The following H2AC1 variants were observed in gnomAD, a reference collection of about 807,000 sequenced individuals.
H2AC1 encodes the protein histone H2A type 1-A.
For missense variants in H2AC1, 218 were observed against 173.8 expected, an observed-to-expected ratio of 1.25 and a Z score of -1.43; for synonymous variants, 145 against 70.0, an observed-to-expected ratio of 2.07 and a Z score of -5.35.
Position 25,726,093 on chromosome 6 carries a change from T to C in H2AC1, c.*39A>G. 6.7e-7 allele frequency: 1 copy of C among 1,482,432 alleles called. No individual in the cohort carries two copies. Among genetic ancestry groups the C allele is most frequent in the Non-Finnish European group, 9.0e-7 (1 of 1,114,586 alleles). The allele number at this position is 1,482,432 out of a possible 1,614,324, so 91.8% of individuals were successfully genotyped here. A position where few individuals can be genotyped will look rare whatever the true frequency, so the allele number is the denominator to read the frequency against. On this transcript the variant is annotated 3_prime_UTR_variant, in exon 1 of 1. Transcript: ENST00000297012. ...GGCTCTGAAAAGAGCCTTTTGTTTT[T>C]TCTGACACAGAAGTCTTTTTACCAA...
At position 25,726,484 on chromosome 6, in the gene H2AC1, G is replaced by A. The variant is rs753901524; in HGVS notation, c.44C>T (p.Ser15Phe). 2 of 1,613,152 alleles carry A rather than the reference G, an allele frequency of 1.2e-6. No individual in the cohort carries two copies. Among genetic ancestry groups the A allele is most frequent in the Non-Finnish European group, 1.7e-6 (2 of 1,179,516 alleles). The change falls in exon 1 of 1, where the codon TCT (serine) becomes TTT (phenylalanine). Residue 15 changes from serine to phenylalanine, a missense_variant. Transcript: ENST00000297012. Reference protein sequence around the residue: ...GKQGGKARAKSKSRSSRAGLQ... With the variant: ...GKQGGKARAKFKSRSSRAGLQ... Reference sequence around the variant, plus strand: ...ACCCGCTCTAGAAGAGCGAGACTTAGACTTGGCGCGTGCTTTTCCTCCCTG... The same window carrying A: ...ACCCGCTCTAGAAGAGCGAGACTTAAACTTGGCGCGTGCTTTTCCTCCCTG...
rs757811886 is a variant in H2AC1, at chr6:25,726,550, A to G, written c.-23T>C. On this transcript the variant is annotated 5_prime_UTR_variant, in exon 1 of 1. Coordinates refer to ENST00000297012, the MANE Select transcript of H2AC1 (RefSeq NM_170745.3). Reference sequence around the variant, plus strand: ...CATCTCCTCGCATCAAATTGCAGCAACACGAGAACCACATTTCTAGGGCTG... The same window carrying G: ...CATCTCCTCGCATCAAATTGCAGCAGCACGAGAACCACATTTCTAGGGCTG... The G allele has an allele frequency of 1.3e-6, 2 of 1,591,664 alleles. No homozygotes were observed. The highest frequency in any genetic ancestry group is 4.5e-5 in the East Asian group (2 of 44,560).
chr6:25,726,112 T>C lies in H2AC1; in HGVS notation c.*20A>G, dbSNP rs148811117. The C allele has an allele frequency of 3.3e-6, 5 of 1,505,908 alleles. No homozygotes were observed. The Admixed American group carries it at 6.8e-5, about 20-fold the overall frequency. 93.3% of individuals were successfully genotyped at this position (1,505,908 alleles called of 1,614,324 possible). On this transcript the variant is annotated 3_prime_UTR_variant, in exon 1 of 1. Transcript: ENST00000297012. Reference sequence around the variant, plus strand: ...TGTTTTTTCTGACACAGAAGTCTTTTTACCAATGACAACCTTAAGTTACTT... The same window carrying C: ...TGTTTTTTCTGACACAGAAGTCTTTCTACCAATGACAACCTTAAGTTACTT...
Position 25,726,106 on chromosome 6 carries a change from G to A in H2AC1, c.*26C>T. 2.0e-6 allele frequency: 3 copies of A among 1,501,710 alleles called. No homozygotes were observed. Among genetic ancestry groups the A allele is most frequent in the Non-Finnish European group, 2.7e-6 (3 of 1,124,210 alleles). 93.0% of individuals were successfully genotyped at this position (1,501,710 alleles called of 1,614,324 possible). On this transcript the variant is annotated 3_prime_UTR_variant, in exon 1 of 1. Transcript: ENST00000297012. ...GCCTTTTGTTTTTTCTGACACAGAA[G>A]TCTTTTTACCAATGACAACCTTAAG...
At position 25,726,270 on chromosome 6, in the gene H2AC1, T is replaced by C. The variant is rs1484389694; in HGVS notation, c.258A>G (p.Leu86=). Residue 86 remains leucine, a synonymous_variant, in exon 1 of 1, where the codon CTA becomes CTG. Coordinates refer to ENST00000297012, the MANE Select transcript of H2AC1 (RefSeq NM_170745.3). ...TGAGTTCCTCATCATTGCGGATCGC[T>C]AGCTGCAGGTGGCGGGGAATAATGC... ...KTRIIPRHLQ[L]AIRNDEELNK... is the part of the protein sequence containing the mutation. 3.7e-6 allele frequency: 6 copies of C among 1,614,014 alleles called. No homozygotes were observed. Among genetic ancestry groups the C allele is most frequent in the South Asian group, 3.3e-5 (3 of 91,088 alleles).
rs1392558847 is a variant in H2AC1 at position 25,726,198 on chromosome 6, A to C, written c.330T>G (p.Pro110=). The C allele has an allele frequency of 6.2e-7, 1 of 1,603,458 alleles. No individual in the cohort carries two copies. Residue 110 remains proline (P), a synonymous_variant, in exon 1 of 1, where the codon CCT becomes CCG. Coordinates refer to ENST00000297012, the MANE Select transcript of H2AC1 (RefSeq NM_170745.3). The part of the protein sequence containing the change: ...GVTIAQGGVL[P]NIQAVLLPKK... ...TGGGCAGCAGCACTGCCTGAATGTT[A>C]GGCAGGACTCCGCCCTGGGCAATGG...
chr6:25,726,422 GA>G lies in H2AC1; in HGVS notation c.105del (p.Arg36ValfsTer9). 6.2e-7 allele frequency: 1 copy of G among 1,614,036 alleles called. No homozygotes were observed. The highest frequency in any genetic ancestry group is 8.5e-7 in the Non-Finnish European group (1 of 1,180,012). On this transcript the variant is annotated frameshift_variant, in exon 1 of 1. Coordinates refer to ENST00000297012, the MANE Select transcript of H2AC1 (RefSeq NM_170745.3). LOFTEE classifies it low-confidence loss of function (END_TRUNC). ...QFPVGRIHRL[L>X]RKGNYAERIG... ...ATCCGCTCTGCATAGTTTCCCTTAC[GA>G]AGCAGACGATGGATCCGGCCTACGG...
Position 25,726,386 on chromosome 6 carries a change from C to T in H2AC1, c.142G>A (p.Ala48Thr), listed in dbSNP as rs760346071. 3.9e-5 allele frequency: 63 copies of T among 1,614,030 alleles called. No individual in the cohort carries two copies. Among genetic ancestry groups the T allele is most frequent in the Middle Eastern group, 1.6e-4 (1 of 6,084 alleles). Residue 48 changes from alanine to threonine, a missense_variant, in exon 1 of 1, where the codon GCA (alanine) becomes ACA (threonine). Physicochemically the swap from Ala to Thr is moderately conservative, Grantham distance 58. Transcript: ENST00000297012. The stretch of plus-strand genomic sequence containing the variant: ...AACACTGCCGCCAAATACACTGGTG[C>T]GCCTGCCCCTATCCGCTCTGCATAG... Reference protein sequence around the residue: ...GNYAERIGAGAPVYLAAVLEY... With the variant: ...GNYAERIGAGTPVYLAAVLEY...
At position 25,726,309 on chromosome 6, in the gene H2AC1, A is replaced by G. The variant is rs1375751051; in HGVS notation, c.219T>C (p.Asp73=). ...ILELAGNASR[D]NKKTRIIPRH... ...GGGGAATAATGCGAGTTTTTTTGTT[A>G]TCGCGAGACGCATTGCCTGCCAGCT... is the stretch of plus-strand genomic sequence containing the variant. Residue 73 remains aspartate (D), a synonymous_variant, in exon 1 of 1, where the codon GAT becomes GAC. Transcript: ENST00000297012. 2 of 1,614,062 alleles carry G rather than the reference A, an allele frequency of 1.2e-6. No homozygotes were observed. Among genetic ancestry groups the G allele is most frequent in the Non-Finnish European group, 1.7e-6 (2 of 1,179,994 alleles).
rs574118105 is a variant in H2AC1 at position 25,726,329 on chromosome 6, C to T, written c.199G>A (p.Ala67Thr). The stretch of plus-strand genomic sequence containing the variant: ...TTGTTATCGCGAGACGCATTGCCTG[C>T]CAGCTCAAGGATTTCTGCTGTGAGA... ...EYLTAEILEL[A>T]GNASRDNKKT... Residue 67 changes from alanine to threonine, a missense_variant, in exon 1 of 1, where the codon GCA becomes ACA. Ala to Thr is a moderately conservative substitution (Grantham distance 58). Coordinates refer to ENST00000297012, the MANE Select transcript of H2AC1 (RefSeq NM_170745.3). 1.2e-6 allele frequency: 2 copies of T among 1,614,134 alleles called. No homozygotes were observed. The highest frequency in any genetic ancestry group is 2.2e-5 in the South Asian group (2 of 91,078).
rs373261344 is a variant in H2AC1 at position 25,726,493 on chromosome 6, C to T, written c.35G>A (p.Arg12His). The T allele has an allele frequency of 1.2e-5, 19 of 1,611,852 alleles. No homozygotes were observed. Among genetic ancestry groups the T allele is most frequent in the African/African-American group, 2.7e-5 (2 of 74,872 alleles). ...SGRGKQGGKA[R>H]AKSKSRSSRA... ...AGAAGAGCGAGACTTAGACTTGGCG[C>T]GTGCTTTTCCTCCCTGCTTCCCTCG... The change falls in exon 1 of 1, where the codon CGC becomes CAC. Residue 12 changes from arginine to histidine, a missense_variant. Arg to His is a conservative substitution (Grantham distance 29). Transcript: ENST00000297012.
Position 25,726,499 on chromosome 6 carries a change from T to A in H2AC1, c.29A>T (p.Lys10Ile), listed in dbSNP as rs768124679. The A allele has an allele frequency of 1.4e-5, 22 of 1,611,460 alleles. No individual in the cohort carries two copies. The Admixed American group carries it at 3.5e-4, about 26-fold the overall frequency. ...GCGAGACTTAGACTTGGCGCGTGCT[T>A]TTCCTCCCTGCTTCCCTCGTCCAGA... MSGRGKQGG[K>I]ARAKSKSRSS... is the part of the protein sequence containing the mutation. The change falls in exon 1 of 1, where the codon AAA becomes ATA. Residue 10 changes from lysine (K) to isoleucine (I), a missense_variant. Lys to Ile is a moderately radical substitution (Grantham distance 102). Transcript: ENST00000297012.
chr6:25,726,441 G>T lies in H2AC1; in HGVS notation c.87C>A (p.Gly29=). The change falls in exon 1 of 1, where the codon GGC becomes GGA. Residue 29 remains glycine, a synonymous_variant. Coordinates refer to ENST00000297012, the MANE Select transcript of H2AC1 (RefSeq NM_170745.3). ...CCTTACGAAGCAGACGATGGATCCG[G>T]CCTACGGGAAACTGCAAACCCGCTC... ...SSRAGLQFPV[G]RIHRLLRKGN... is the part of the protein sequence containing the mutation. 5 of 1,613,948 alleles carry T rather than the reference G, an allele frequency of 3.1e-6. No homozygotes were observed. The highest frequency in any genetic ancestry group is 3.4e-6 in the Non-Finnish European group (4 of 1,180,008).
In H2AC1 at chr6:25,726,101, CAGA is replaced by C. The variant is rs1561779076; in HGVS notation, c.*28_*30del. The C allele has an allele frequency of 1.3e-6, 2 of 1,501,574 alleles. No individual in the cohort carries two copies. Among genetic ancestry groups the C allele is most frequent in the Admixed American group, 2.3e-5 (1 of 44,002 alleles). The allele number at this position is 1,501,574 out of a possible 1,614,324, so 93.0% of individuals were successfully genotyped here. ...AAAGAGCCTTTTGTTTTTTCTGACA[CAGA>C]AGTCTTTTTACCAATGACAACCTTA... On this transcript the variant is annotated 3_prime_UTR_variant, in exon 1 of 1. Coordinates refer to ENST00000297012, the MANE Select transcript of H2AC1 (RefSeq NM_170745.3).
chr6:25,726,533 C>G lies in H2AC1; in HGVS notation c.-6G>C. The stretch of plus-strand genomic sequence containing the variant: ...TGCTTCCCTCGTCCAGACATCTCCT[C>G]GCATCAAATTGCAGCAACACGAGAA... On this transcript the variant is annotated 5_prime_UTR_variant, in exon 1 of 1. Coordinates refer to ENST00000297012, the MANE Select transcript of H2AC1 (RefSeq NM_170745.3). The G allele has an allele frequency of 6.2e-7, 1 of 1,602,298 alleles. No individual in the cohort carries two copies.
Position 25,726,384 on chromosome 6 carries a change from T to G in H2AC1, c.144A>C (p.Ala48=), listed in dbSNP as rs1381444787. 1.2e-6 allele frequency: 2 copies of G among 1,614,038 alleles called. No homozygotes were observed. The highest frequency in any genetic ancestry group is 1.7e-5 in the Admixed American group (1 of 59,996). Residue 48 remains alanine (A), a synonymous_variant, in exon 1 of 1, where the codon GCA becomes GCC. Transcript: ENST00000297012. ...CTAACACTGCCGCCAAATACACTGG[T>G]GCGCCTGCCCCTATCCGCTCTGCAT... The part of the protein sequence containing the change: ...GNYAERIGAG[A]PVYLAAVLEY...
In H2AC1 at chr6:25,726,276, C is replaced by T. The variant is rs758505437; in HGVS notation, c.252G>A (p.Leu84=). Residue 84 remains leucine, a synonymous_variant, in exon 1 of 1, where the codon CTG becomes CTA. Coordinates refer to ENST00000297012, the MANE Select transcript of H2AC1 (RefSeq NM_170745.3). ...NKKTRIIPRH[L]QLAIRNDEEL... ...CCTCATCATTGCGGATCGCTAGCTG[C>T]AGGTGGCGGGGAATAATGCGAGTTT... 3 of 1,614,106 alleles carry T rather than the reference C, an allele frequency of 1.9e-6. No individual in the cohort carries two copies. Among genetic ancestry groups the T allele is most frequent in the East Asian group, 2.2e-5 (1 of 44,864 alleles).
At position 25,726,469 on chromosome 6, in the gene H2AC1, G is replaced by T; in HGVS notation, c.59C>A (p.Ser20Tyr). The change falls in exon 1 of 1, where the codon TCT becomes TAT. Residue 20 changes from serine to tyrosine, a missense_variant. Physicochemically the swap from Ser to Tyr is moderately radical, Grantham distance 144. Coordinates refer to ENST00000297012, the MANE Select transcript of H2AC1 (RefSeq NM_170745.3). The part of the protein sequence containing the change: ...KARAKSKSRS[S>Y]RAGLQFPVGR... ...TACGGGAAACTGCAAACCCGCTCTAGAAGAGCGAGACTTAGACTTGGCGCG... is the reference window on the plus strand; with the variant it reads ...TACGGGAAACTGCAAACCCGCTCTATAAGAGCGAGACTTAGACTTGGCGCG... 2 of 1,613,818 alleles carry T rather than the reference G, an allele frequency of 1.2e-6. No individual in the cohort carries two copies. The highest frequency in any genetic ancestry group is 1.7e-6 in the Non-Finnish European group (2 of 1,179,966).
rs1199695461 is a variant in H2AC1, at chr6:25,726,088, GTT to G, written c.*42_*43del. 1 of 1,478,456 alleles carries G rather than the reference GTT, an allele frequency of 6.8e-7. No individual in the cohort carries two copies. Among genetic ancestry groups the G allele is most frequent in the South Asian group, 1.4e-5 (1 of 69,874 alleles). The allele number at this position is 1,478,456 out of a possible 1,614,324, so 91.6% of individuals were successfully genotyped here. On this transcript the variant is annotated 3_prime_UTR_variant, in exon 1 of 1. Coordinates refer to ENST00000297012, the MANE Select transcript of H2AC1 (RefSeq NM_170745.3). ...TAGGTGGCTCTGAAAAGAGCCTTTT[GTT>G]TTTTCTGACACAGAAGTCTTTTTAC...
Sources: gnomAD v4.1 joint callset for allele counts on GRCh38, gnomAD v4.1.1 for gene constraint, MANE v1.5 for transcripts, NCBI Gene and HGNC (gene_info 2026-07-23, HGNC 2026-07-21) for gene names.